Variants in BRF1 observed in about 807,000 individuals in gnomAD.
BRF1 encodes BRF1 general transcription factor IIIB subunit, also known as transcription factor IIIB 90 kDa subunit.
Under a neutral mutation model 81.7 loss-of-function variants are expected in BRF1, and 59 were observed. The ratio of observed to expected loss-of-function variants is 0.72; its 90% confidence interval spans 0.59 to 0.90. BRF1 has a LOEUF of 0.90. BRF1 is among the 40% of genes least tolerant of loss of function. The pLI is 0.00. For synonymous variants in BRF1, 491 were observed against 395.6 expected (o/e 1.24, Z -2.86); for missense variants, 1,050 against 936.3 (o/e 1.12, Z -1.58).
At chr14:105,212,037 G>A (rs1052979051) in intron 16 of BRF1, 76 bp downstream of exon 16, 2 of 1,570,512 alleles carry the variant, frequency 1.3e-6, no homozygotes, top group Non-Finnish European at 1.7e-6. Flanking sequence ...TGTGGTCACA[G>A]ACCAAGCATC....
At chr14:105,228,052 C>CCCTG (rs2054123558) in intron 7 of BRF1, 1 of 152,208 alleles carries the variant, frequency 6.6e-6, no homozygotes, top group Non-Finnish European at 1.5e-5. Flanking sequence ...AAAGCCCCAC[C>CCCTG]CCTGCCTGCC....
rs1329996386 is a variant in BRF1 at position 105,309,817 on chromosome 14, A to G, written c.-162+5505T>C. Among the ~76,000 whole-genome samples, 1 of 113,976 alleles carries G rather than the reference A, an allele frequency of 8.8e-6. No homozygotes were observed. Among genetic ancestry groups the G allele is most frequent in the Non-Finnish European group, 1.7e-5 (1 of 60,434 alleles). The allele number at this position is 113,976 out of a possible 152,430, so 74.8% of individuals were successfully genotyped here. On this transcript the variant is annotated intron_variant, in intron 1 of 17. Coordinates refer to the BRF1 transcript ENST00000327359. This position sits in a 1 kb window ranked among gnomAD's most constrained non-coding sequence, Gnocchi z 4.0. ...TTTTTTTTTTTTTAGACGGAGTCTC[A>G]CTCTCTTGCCCAGGCAGGAGTGCAG...
Position 105,226,830 on chromosome 14 carries a change from G to A in BRF1, c.789-70C>T, listed in dbSNP as rs79711062. The stretch of plus-strand genomic sequence containing the variant: ...ACCAGCTGTTTAAAACTGAGCTTTC[G>A]CCTGGGCGTGGCTCATGCCTGTGAT... On this transcript the variant is annotated intron_variant, in intron 7 of 17. Coordinates refer to ENST00000547530, the MANE Select transcript of BRF1 (RefSeq NM_001519.4). 6.3e-4 allele frequency: 1,006 copies of A among 1,604,382 alleles called. 8 individuals carry two copies. In the African/African-American group the frequency reaches 0.012, roughly 19 times the overall value.
chr14:105,227,421 A>C (rs1200911412), intron 7 of BRF1: 1 of 147,044 alleles, frequency 6.8e-6, no homozygotes, highest in Non-Finnish European at 1.5e-5. Context: ...AATCTGTGTC[A>C]AAAAAATGAA....
At chr14:105,279,750 G>C (rs7149185) in intron 2 of BRF1, among the ~76,000 whole-genome samples, 5,446 of 152,338 alleles carry the variant, frequency 0.036, 175 homozygotes, top group African/African-American at 0.086. Flanking sequence ...AGGACCAGGT[G>C]CAAGAACACG....
At chr14:105,215,457 C>T (rs2141394367) in intron 15 of BRF1, among the ~76,000 whole-genome samples, 1 of 151,924 alleles carries the variant, frequency 6.6e-6, no homozygotes, top group South Asian at 2.1e-4. Flanking sequence ...ACACTGTGTG[C>T]AGACACCAGA....
Position 105,300,662 on chromosome 14 carries a change from C to A in BRF1, c.-33G>T, listed in dbSNP as rs1161227636. On this transcript the variant is annotated 5_prime_UTR_variant, in exon 1 of 18. Coordinates refer to ENST00000547530, the MANE Select transcript of BRF1 (RefSeq NM_001519.4). ...ACCGCGCGGGCAGCGCCCGGAGCCT[C>A]CCAAGACTCTCAAGCCACCCGAGCC... 1.8e-5 allele frequency: 24 copies of A among 1,312,258 alleles called. No individual in the cohort carries two copies. Among genetic ancestry groups the A allele is most frequent in the Non-Finnish European group, 2.3e-5 (24 of 1,039,250 alleles). The allele number at this position is 1,312,258 out of a possible 1,614,324, so 81.3% of individuals were successfully genotyped here. A position where few individuals can be genotyped will look rare whatever the true frequency, so the allele number is the denominator to read the frequency against.
At chr14:105,211,097 C>T (rs1451832138) in intron 17 of BRF1, 25 bp downstream of exon 17, 2 of 1,611,004 alleles carry the variant, frequency 1.2e-6, no homozygotes, top group Non-Finnish European at 1.7e-6. Context: ...CCTTGAACCC[C>T]TCCCTGTTGT....
intron 6 of BRF1, 46 bp downstream of exon 6, chr14:105,241,219 C>T (rs753403854): frequency 1.4e-5 from 22 of 1,599,454 alleles, no homozygotes; most frequent in East Asian, 2.2e-5. Flanking sequence ...AAGTGTGAGG[C>T]CAGGACCCAG....
Position 105,271,031 on chromosome 14 carries a change from G to A in BRF1, c.439+1690C>T, listed in dbSNP as rs1228804432. ...GGTGAGAAGATGCCACACTCAGGAAGACGGGAGATTATAAAAAAGATTCGG... is the reference window on the plus strand; with the variant it reads ...GGTGAGAAGATGCCACACTCAGGAAAACGGGAGATTATAAAAAAGATTCGG... On this transcript the variant is annotated intron_variant, in intron 3 of 17. Transcript: ENST00000547530. The surrounding 1 kb of genome is among the most constrained non-coding windows in gnomAD (Gnocchi z 5.5). Among the ~76,000 whole-genome samples, 2 of 152,182 alleles carry A rather than the reference G, an allele frequency of 1.3e-5. No homozygotes were observed. The highest frequency in any genetic ancestry group is 2.9e-5 in the Non-Finnish European group (2 of 68,048).
intron 4 of BRF1, among the ~76,000 whole-genome samples, chr14:105,253,866 A>AC (rs374412291): frequency 3.3e-5 from 5 of 152,170 alleles, no homozygotes; most frequent in African/African-American, 1.2e-4. Flanking sequence ...GGGTCTGCTC[A>AC]CCAAACTGGG....
chr14:105,292,860 C>CT (rs1167426315), intron 1 of BRF1, among the ~76,000 whole-genome samples: 17 of 151,992 alleles, frequency 1.1e-4, no homozygotes, highest in Non-Finnish European at 8.8e-5. Flanking sequence ...CTTCCCCAGG[C>CT]CCACATCCCC....
At chr14:105,290,728 G>A (rs2057477033) in intron 1 of BRF1, among the ~76,000 whole-genome samples, 1 of 151,864 alleles carries the variant, frequency 6.6e-6, no homozygotes, top group South Asian at 2.1e-4. Flanking sequence ...CCATCACTCT[G>A]TCTTGCACCC....
intron 5 of BRF1, chr14:105,247,201 C>T (rs1482516148): frequency 4.1e-6 from 4 of 985,364 alleles, no homozygotes; most frequent in African/African-American, 3.5e-5. Context: ...CGGGTGCATC[C>T]ACACACTTTC....
At chr14:105,255,221 G>A (rs1450208997) in intron 4 of BRF1, among the ~76,000 whole-genome samples, 1 of 152,270 alleles carries the variant, frequency 6.6e-6, no homozygotes, top group African/African-American at 2.4e-5. Flanking sequence ...CTGGGAAGTC[G>A]TGGGGTTGGA....
chr14:105,229,706 G>C (rs1184379836), intron 6 of BRF1, among the ~76,000 whole-genome samples: 17 of 130,458 alleles, frequency 1.3e-4, no homozygotes, highest in Admixed American at 3.2e-4. Context: ...TCAGGAGAGA[G>C]AGGCCACACC....
At chr14:105,310,082 CCATGTG>C (rs1314484324) in intron 1 of BRF1, among the ~76,000 whole-genome samples, 3 of 151,916 alleles carry the variant, frequency 2.0e-5, no homozygotes, top group African/African-American at 7.3e-5. Context: ...CCGCACCCAG[CCATGTG>C]CATCTTTTTA....
intron 12 of BRF1, 98 bp downstream of exon 12, chr14:105,219,971 C>G (rs1358196050): frequency 5.8e-6 from 8 of 1,382,790 alleles, no homozygotes; most frequent in South Asian, 1.2e-5. Flanking sequence ...GGGCTCTGGG[C>G]AGGGGAGGTG....
At chr14:105,278,159 G>A (rs1365202138) in intron 2 of BRF1, among the ~76,000 whole-genome samples, 2 of 152,162 alleles carry the variant, frequency 1.3e-5, no homozygotes, top group Non-Finnish European at 2.9e-5. Context: ...AATTCTAAAA[G>A]TAAACTCAGG....
Sources: allele counts gnomAD v4.1 joint callset (sites outside exome capture counted in the v4.1 genomes callset), GRCh38; gene constraint gnomAD v4.1.1; non-coding constraint Gnocchi (gnomAD v3.1); transcripts MANE v1.5; gene names NCBI Gene and HGNC (gene_info 2026-07-23, HGNC 2026-07-21).